The following GAB2 variants were observed in gnomAD, a reference collection of about 807,000 sequenced individuals.
GAB2 encodes GRB2 associated binding protein 2.
A neutral mutation model predicts 65.5 loss-of-function variants in GAB2; 26 were observed. That is an observed-to-expected ratio of 0.40 (90% confidence interval 0.29 to 0.55). The LOEUF (loss-of-function observed/expected upper bound fraction) is 0.55. Among genes scored for constraint, GAB2 ranks in the 20% least tolerant of loss-of-function variants. GAB2 has a pLI of 0.53. For missense variants in GAB2, 884 were observed against 875.8 expected (o/e 1.01, Z -0.12); for synonymous variants, 321 against 329.6 (o/e 0.97, Z 0.28).
Position 78,313,674 on chromosome 11 carries a change from G to A in GAB2, c.76-32773C>T, listed in dbSNP as rs146205490. Among the ~76,000 whole-genome samples, 79 of 152,338 alleles carry A rather than the reference G, an allele frequency of 5.2e-4. No individual in the cohort carries two copies. The East Asian group carries it at 0.015, about 29-fold the overall frequency. ...GGGCATGTGCCAAGCTTTTCTGGGAGCAGGCTCATTACTGCCATAGTCACT... is the reference window on the plus strand; with the variant it reads ...GGGCATGTGCCAAGCTTTTCTGGGAACAGGCTCATTACTGCCATAGTCACT... On this transcript the variant is annotated intron_variant, in intron 1 of 9. Coordinates refer to ENST00000361507, the MANE Select transcript of GAB2 (RefSeq NM_080491.3).
intron 5 of GAB2, among the ~76,000 whole-genome samples, chr11:78,224,814 G>A (rs1377977890): frequency 3.3e-5 from 5 of 151,936 alleles, no homozygotes; most frequent in Admixed American, 2.6e-4. Flanking sequence ...TGTCTTAGAG[G>A]TTCCCCCACC....
intron 3 of GAB2, among the ~76,000 whole-genome samples, chr11:78,233,040 G>GTTTTTTTTTTTTTTTTTTTTTTTTTTT (rs372693456): frequency 1.5e-5 from 2 of 132,006 alleles, no homozygotes; most frequent in African/African-American, 6.0e-5. Flanking sequence ...GCACTGTTAA[G>GTTTTTTTTTTTTTTTTTTTTTTTTTTT]TTTTTTTTTT....
At chr11:78,348,652 A>G (rs1856227758) in intron 1 of GAB2, among the ~76,000 whole-genome samples, 1 of 152,218 alleles carries the variant, frequency 6.6e-6, no homozygotes, top group Non-Finnish European at 1.5e-5. Flanking sequence ...AAGTAAAACA[A>G]TACAGTTTGG....
chr11:78,278,093 G>C (rs1325247201), intron 2 of GAB2, among the ~76,000 whole-genome samples: 3 of 145,188 alleles, frequency 2.1e-5, no homozygotes, highest in Non-Finnish European at 4.5e-5. Flanking sequence ...TTTTGAGACA[G>C]AGTTTCACTG....
At position 78,226,525 on chromosome 11, in the gene GAB2, C is replaced by A. The variant is rs114671347; in HGVS notation, c.1147G>T (p.Ala383Ser). 1.2e-6 allele frequency: 2 copies of A among 1,611,254 alleles called. No individual in the cohort carries two copies. Among genetic ancestry groups the A allele is most frequent in the African/African-American group, 1.4e-5 (1 of 73,968 alleles). ...GTGTTGCGTCTGGGGATGGTGGCAG[C>A]GACAGATCTGCTATTTTCACTGATT... ...PPISENSRSV[A>S]ATIPRRNTLP... Residue 383 changes from alanine (A) to serine (S), a missense_variant, in exon 4 of 10, where the codon GCT (alanine) becomes TCT (serine). Ala to Ser is a moderately conservative substitution (Grantham distance 99). Transcript: ENST00000361507.
At chr11:78,289,254 A>T (rs1026302550) in intron 1 of GAB2, among the ~76,000 whole-genome samples, 1 of 152,194 alleles carries the variant, frequency 6.6e-6, no homozygotes, top group Admixed American at 6.5e-5. Flanking sequence ...TTTAATATAA[A>T]AAAGAAAAGA....
chr11:78,219,523 A>T, intron 9 of GAB2, 108 bp from the exon 10 acceptor site: 1 of 1,015,996 alleles, frequency 9.8e-7, no homozygotes, highest in Non-Finnish European at 1.5e-6. Flanking sequence ...GGAGAAGAGC[A>T]TGGCCTCTGC....
chr11:78,350,055 T>A (rs1325081888), intron 1 of GAB2, among the ~76,000 whole-genome samples: 1 of 152,162 alleles, frequency 6.6e-6, no homozygotes, highest in African/African-American at 2.4e-5. Context: ...TGTGAAACAT[T>A]CTGTTGTCTA....
At chr11:78,346,360 A>G (rs1284582396) in intron 1 of GAB2, among the ~76,000 whole-genome samples, 1 of 152,122 alleles carries the variant, frequency 6.6e-6, no homozygotes, top group Non-Finnish European at 1.5e-5. Flanking sequence ...GAGATCTAAT[A>G]AAAGAACAGG....
intron 1 of GAB2, among the ~76,000 whole-genome samples, chr11:78,311,207 T>TC (rs1368001726): frequency 1.3e-5 from 2 of 152,124 alleles, no homozygotes; most frequent in African/African-American, 4.8e-5. Context: ...AGTTTTTTCT[T>TC]CCCCCCATAT....
At chr11:78,296,207 T>C (rs1393003227) in intron 1 of GAB2, among the ~76,000 whole-genome samples, 2 of 152,164 alleles carry the variant, frequency 1.3e-5, no homozygotes, top group Non-Finnish European at 2.9e-5. Flanking sequence ...TGAGGCCCAG[T>C]TCCTAACAGG....
intron 8 of GAB2, 75 bp from the exon 9 acceptor site, chr11:78,220,519 G>C: frequency 7.6e-7 from 1 of 1,312,382 alleles, no homozygotes; most frequent in Non-Finnish European, 1.1e-6. Context: ...ACACCTCTGG[G>C]AGTAAGAACA....
At chr11:78,260,761 C>T (rs1011052875) in intron 2 of GAB2, among the ~76,000 whole-genome samples, 2 of 152,282 alleles carry the variant, frequency 1.3e-5, no homozygotes, top group African/African-American at 4.8e-5. Context: ...CATGAGTCAC[C>T]GCGCCCAGTC....
intron 1 of GAB2, among the ~76,000 whole-genome samples, chr11:78,382,173 T>G (rs149465602): frequency 1.3e-5 from 2 of 152,198 alleles, no homozygotes; most frequent in Non-Finnish European, 2.9e-5. Flanking sequence ...CCCTCCTCTG[T>G]GCTCTCATGG....
intron 1 of GAB2, among the ~76,000 whole-genome samples, chr11:78,346,667 T>C (rs1856184475): frequency 9.1e-6 from 1 of 110,428 alleles, no homozygotes; most frequent in African/African-American, 3.6e-5. Context: ...TCTGTTTACA[T>C]CCCCTCCATA....
At position 78,391,537 on chromosome 11, in the gene GAB2, G is replaced by A. The variant is rs1469911076; in HGVS notation, c.75+26109C>T. ...CACTCTTGGAGCCCTTAAGCACCAT[G>A]TAAGCAGTCTGATTGCTTAGAGACT... On this transcript the variant is annotated intron_variant, in intron 1 of 9. Transcript: ENST00000361507. Among the ~76,000 whole-genome samples the A allele has an allele frequency of 3.9e-5, 6 of 152,194 alleles. No homozygotes were observed. The East Asian group carries it at 1.2e-3, about 29-fold the overall frequency.
chr11:78,344,077 C>G (rs55655125), intron 1 of GAB2, among the ~76,000 whole-genome samples: 14,620 of 152,092 alleles, frequency 0.096, 2,191 homozygotes, highest in African/African-American at 0.33. Flanking sequence ...CAAGGAGTTA[C>G]AAAGTTTAAC....
chr11:78,245,942 CTTTT>C (rs199530952), intron 3 of GAB2, among the ~76,000 whole-genome samples: 5 of 141,594 alleles, frequency 3.5e-5, no homozygotes, highest in Admixed American at 2.9e-4. Flanking sequence ...TTTTTATTTT[CTTTT>C]TTTCTTTTTT....
Position 78,216,506 on chromosome 11 carries a change from A to G in GAB2, c.*2766T>C, listed in dbSNP as rs188727651. The G allele has an allele frequency of 3.3e-4, 50 of 152,272 alleles. 1 individual carries two copies. Among genetic ancestry groups the G allele is most frequent in the Admixed American group, 2.4e-3 (36 of 15,302 alleles). The allele number at this position is 152,272 out of a possible 1,614,324, so 9.4% of individuals were successfully genotyped here. On this transcript the variant is annotated 3_prime_UTR_variant, in exon 10 of 10. Transcript: ENST00000361507. The stretch of plus-strand genomic sequence containing the variant: ...CCTGTGAGCCAGAGCTTTGCTTTCA[A>G]AAGGTCAATTTCACCTCTCATCCTT...
Sources: allele counts gnomAD v4.1 joint callset (sites outside exome capture counted in the v4.1 genomes callset), GRCh38; gene constraint gnomAD v4.1.1; transcripts MANE v1.5; gene names NCBI Gene and HGNC (gene_info 2026-07-23, HGNC 2026-07-21).